SMYD3: variants seen among roughly 807,000 people sequenced by gnomAD.
SMYD3 encodes the protein histone-lysine N-methyltransferase SMYD3.
Under a neutral mutation model 57.7 loss-of-function variants are expected in SMYD3, and 36 were observed. The ratio of observed to expected loss-of-function variants is 0.62; its 90% CI spans 0.48 to 0.82. The LOEUF (loss-of-function observed/expected upper bound fraction) is 0.82, where lower values mean the gene tolerates loss of function less well. SMYD3 is among the 40% of genes least tolerant of loss of function. The pLI, the probability that SMYD3 is intolerant of heterozygous loss-of-function variation, is 0.00. For synonymous variants in SMYD3, 211 were observed against 195.0 expected, an observed-to-expected ratio of 1.08 and a Z score of -0.68; for missense variants, 515 against 538.8, an observed-to-expected ratio of 0.96 and a Z score of 0.44.
intron 7 of SMYD3, among the ~76,000 whole-genome samples, chr1:245,918,935 T>C (rs1393006836): frequency 6.6e-6 from 1 of 152,088 alleles, no homozygotes; most frequent in Non-Finnish European, 1.5e-5. Context: ...CAGAAAAAAA[T>C]GTGCTTGACT....
intron 5 of SMYD3, among the ~76,000 whole-genome samples, chr1:246,089,561 T>C (rs1046265700): frequency 6.6e-6 from 1 of 152,220 alleles, no homozygotes; most frequent in Non-Finnish European, 1.5e-5. Context: ...AAGGAACATA[T>C]GAATCTTCAC....
Position 246,199,019 on chromosome 1 carries a change from A to G in SMYD3, c.531+128182T>C, listed in dbSNP as rs566609970. On this transcript the variant is annotated intron_variant, in intron 5 of 11. Coordinates refer to ENST00000490107, the MANE Select transcript of SMYD3 (RefSeq NM_001167740.2). ...GGGGGTACATCCACAGGCTCGATACATGGGTATGTAGTGTGGCGCTGAGGC... is the reference window on the plus strand; with the variant it reads ...GGGGGTACATCCACAGGCTCGATACGTGGGTATGTAGTGTGGCGCTGAGGC... 9.2e-5 allele frequency among the ~76,000 whole-genome samples: 14 copies of G among 152,244 alleles called. No individual in the cohort carries two copies. In the South Asian group the frequency reaches 2.9e-3, roughly 32 times the overall value.
chr1:246,237,414 A>G (rs2063530065), intron 5 of SMYD3, among the ~76,000 whole-genome samples: 1 of 152,262 alleles, frequency 6.6e-6, no homozygotes, highest in South Asian at 2.1e-4. Flanking sequence ...TTGTTGTTCT[A>G]TTACTGTTAT....
rs3753685 is a variant in SMYD3, at chr1:246,310,904, G to A, written c.531+16297C>T. Among the ~76,000 whole-genome samples, 30 of 151,854 alleles carry A rather than the reference G, an allele frequency of 2.0e-4. No individual in the cohort carries two copies. In the East Asian group the frequency reaches 4.5e-3, roughly 23 times the overall value. On this transcript the variant is annotated intron_variant, in intron 5 of 11. Coordinates refer to ENST00000490107, the MANE Select transcript of SMYD3 (RefSeq NM_001167740.2). The stretch of plus-strand genomic sequence containing the variant: ...AGGCTGGTCTCGAACTCCTGACCTC[G>A]TGATCCACCCACCTCGGCCTCCCAA...
chr1:246,158,052 G>A (rs1306396109), intron 5 of SMYD3, among the ~76,000 whole-genome samples: 1 of 152,176 alleles, frequency 6.6e-6, no homozygotes, highest in East Asian at 1.9e-4. Flanking sequence ...AATAAGTAAA[G>A]AGCCAGGGAG....
chr1:246,443,205 G>A (rs1184354347), intron 1 of SMYD3, among the ~76,000 whole-genome samples: 2 of 152,146 alleles, frequency 1.3e-5, no homozygotes. Context: ...TTTCACCAAG[G>A]AGTAAGATTC....
intron 10 of SMYD3, among the ~76,000 whole-genome samples, chr1:245,829,834 T>A (rs2049731624): frequency 6.6e-6 from 1 of 152,138 alleles, no homozygotes; most frequent in Admixed American, 6.6e-5. Context: ...GCATGAACCT[T>A]GAAACTATGC....
chr1:246,397,979 A>G (rs2066702503), intron 1 of SMYD3, among the ~76,000 whole-genome samples: 1 of 151,888 alleles, frequency 6.6e-6, no homozygotes, highest in Admixed American at 6.6e-5. Context: ...CAACAACAAC[A>G]ACAACAAGAC....
chr1:246,304,671 A>T (rs2064950151), intron 5 of SMYD3, among the ~76,000 whole-genome samples: 1 of 152,206 alleles, frequency 6.6e-6, no homozygotes, highest in Admixed American at 6.5e-5. Context: ...TTATCCCATT[A>T]GCCACACAGT....
intron 5 of SMYD3, among the ~76,000 whole-genome samples, chr1:246,116,115 G>A (rs2061338314): frequency 6.6e-6 from 1 of 151,620 alleles, no homozygotes; most frequent in African/African-American, 2.4e-5. Context: ...GCTCCAGCCT[G>A]GGCGACAAGG....
At chr1:245,974,489 G>A (rs1324612936) in intron 5 of SMYD3, among the ~76,000 whole-genome samples, 3 of 150,474 alleles carry the variant, frequency 2.0e-5, no homozygotes, top group Non-Finnish European at 3.0e-5. Context: ...CCGGCCCAGG[G>A]AAAGCCATCG....
At chr1:246,483,322 T>C (rs2068137013) in intron 1 of SMYD3, 1 of 152,174 alleles carries the variant, frequency 6.6e-6, no homozygotes, top group African/African-American at 2.4e-5. Context: ...TAATGAGTCA[T>C]ACTAAAATGG....
intron 5 of SMYD3, among the ~76,000 whole-genome samples, chr1:246,313,280 C>T (rs2065107495): frequency 6.6e-6 from 1 of 152,144 alleles, no homozygotes; most frequent in Non-Finnish European, 1.5e-5. Flanking sequence ...CTTCTTATTA[C>T]AGAAGACTTT....
chr1:246,200,722 A>G lies in SMYD3; in HGVS notation c.531+126479T>C, dbSNP rs1395087834. On this transcript the variant is annotated intron_variant, in intron 5 of 11. Coordinates refer to ENST00000490107, the MANE Select transcript of SMYD3 (RefSeq NM_001167740.2). ...AACAACTAACAATTCCCCAGGAACTACAGTAGGCATTTTGCTTTTCATATA... is the reference window on the plus strand; with the variant it reads ...AACAACTAACAATTCCCCAGGAACTGCAGTAGGCATTTTGCTTTTCATATA... Among the ~76,000 whole-genome samples the G allele has an allele frequency of 2.6e-5, 4 of 152,386 alleles. No homozygotes were observed. The East Asian group carries it at 5.8e-4, about 22-fold the overall frequency.
intron 8 of SMYD3, among the ~76,000 whole-genome samples, chr1:245,907,408 G>A (rs775293299): frequency 2.6e-5 from 4 of 151,846 alleles, no homozygotes; most frequent in Non-Finnish European, 4.4e-5. Context: ...CCTATTTAAC[G>A]AAATAACAGC....
chr1:246,246,225 G>C (rs913953791), intron 5 of SMYD3, among the ~76,000 whole-genome samples: 1 of 152,032 alleles, frequency 6.6e-6, no homozygotes, highest in African/African-American at 2.4e-5. Context: ...TTAATAAAAC[G>C]TTCTTCTCTT....
chr1:245,838,370 T>A (rs2185372), intron 10 of SMYD3, among the ~76,000 whole-genome samples: 1 of 152,182 alleles, frequency 6.6e-6, no homozygotes, highest in African/African-American at 2.4e-5. Context: ...AGGCATCAGT[T>A]GGAAGCCACA....
At chr1:246,337,942 T>C (rs552006055) in intron 2 of SMYD3, among the ~76,000 whole-genome samples, 3 of 145,444 alleles carry the variant, frequency 2.1e-5, no homozygotes, top group Non-Finnish European at 3.0e-5. Flanking sequence ...AAAACAACTT[T>C]AGGTCCTTAA....
intron 8 of SMYD3, among the ~76,000 whole-genome samples, chr1:245,884,763 C>T (rs1399895785): frequency 1.5e-4 from 11 of 71,532 alleles, no homozygotes; most frequent in Admixed American, 5.6e-4. Context: ...CACCAATCAG[C>T]GCTCTGTGTC....
Sources: allele counts gnomAD v4.1 joint callset (sites outside exome capture counted in the v4.1 genomes callset), GRCh38; gene constraint gnomAD v4.1.1; transcripts MANE v1.5; gene names NCBI Gene and HGNC (gene_info 2026-07-23, HGNC 2026-07-21).